The following GLI3 variants were observed in gnomAD, a reference collection of about 807,000 sequenced individuals.
The protein encoded by GLI3 is transcription activator GLI3.
In GLI3, 20 loss-of-function variants were observed where a neutral mutation model predicts 100.8. The observed-to-expected ratio is 0.20, with a 90% confidence interval of 0.14 to 0.29. The LOEUF is 0.29. GLI3 is among the 10% of genes least tolerant of loss of function. GLI3 has a pLI of 1.00. For missense variants in GLI3, 2,040 were observed against 2,128.5 expected (o/e 0.96, Z 0.82); for synonymous variants, 938 against 860.5 (o/e 1.09, Z -1.58).
chr7:42,023,231 CAG>C (rs1788994083), intron 10 of GLI3, among the ~76,000 whole-genome samples: 2 of 152,208 alleles, frequency 1.3e-5, no homozygotes, highest in African/African-American at 2.4e-5. Context: ...CTTACAGGAT[CAG>C]AGTCATTACA....
At chr7:42,103,820 G>A (rs1785518076) in intron 3 of GLI3, among the ~76,000 whole-genome samples, 1 of 152,162 alleles carries the variant, frequency 6.6e-6, no homozygotes, top group South Asian at 2.1e-4. Context: ...ATGTAGATTG[G>A]CATGTGAAGA....
intron 2 of GLI3, among the ~76,000 whole-genome samples, chr7:42,220,987 C>T (rs779751353): frequency 6.6e-6 from 1 of 152,186 alleles, no homozygotes; most frequent in Non-Finnish European, 1.5e-5. Context: ...AGGATTCATA[C>T]ACATTTAGGA....
At chr7:42,207,674 G>A (rs112996577) in intron 2 of GLI3, among the ~76,000 whole-genome samples, 2,169 of 152,320 alleles carry the variant, frequency 0.014, 26 homozygotes, top group Middle Eastern at 0.031. Flanking sequence ...AGCTATTAAA[G>A]CCAAGTTGGA....
intron 2 of GLI3, among the ~76,000 whole-genome samples, chr7:42,190,011 C>G (rs977632013): frequency 8.1e-6 from 1 of 123,048 alleles, no homozygotes; most frequent in African/African-American, 3.0e-5. Context: ...CACACACACA[C>G]ACACACAGAG....
At chr7:42,072,409 G>C (rs577485697) in intron 4 of GLI3, among the ~76,000 whole-genome samples, 1 of 152,122 alleles carries the variant, frequency 6.6e-6, no homozygotes, top group East Asian at 1.9e-4. Context: ...TTTATAATTT[G>C]GGTTTCTACA....
chr7:42,113,106 G>A (rs1312217606), intron 3 of GLI3, among the ~76,000 whole-genome samples: 1 of 151,380 alleles, frequency 6.6e-6, no homozygotes, highest in Non-Finnish European at 1.5e-5. Context: ...GAACCTGAAA[G>A]GTGGAGGCTG....
intron 2 of GLI3, among the ~76,000 whole-genome samples, chr7:42,154,468 T>G (rs2128790317): frequency 6.6e-6 from 1 of 152,372 alleles, no homozygotes; most frequent in South Asian, 2.1e-4. Flanking sequence ...AGGAAATTGC[T>G]TCGCTGTGTT....
chr7:42,221,501 C>T (rs1788486398), intron 2 of GLI3, among the ~76,000 whole-genome samples: 1 of 152,174 alleles, frequency 6.6e-6, no homozygotes, highest in Non-Finnish European at 1.5e-5. Flanking sequence ...CACCTACACA[C>T]TCACGCATAC....
chr7:42,199,028 A>G (rs996165837), intron 2 of GLI3, among the ~76,000 whole-genome samples: 16 of 152,110 alleles, frequency 1.1e-4, no homozygotes, highest in African/African-American at 3.1e-4. Flanking sequence ...ATGATGATAG[A>G]TAACAAATGG....
chr7:42,038,045 A>G (rs1402218850), intron 7 of GLI3, among the ~76,000 whole-genome samples: 5 of 152,374 alleles, frequency 3.3e-5, no homozygotes, highest in African/African-American at 1.2e-4. Flanking sequence ...ATGTTCATGA[A>G]GTGATTTTGT....
intron 10 of GLI3, among the ~76,000 whole-genome samples, chr7:42,007,677 T>C (rs752922158): frequency 1.3e-5 from 2 of 152,208 alleles, no homozygotes; most frequent in Non-Finnish European, 2.9e-5. Context: ...AATTTTCATA[T>C]GTAATACCCA....
At chr7:42,066,816 C>T (rs1244457712) in intron 4 of GLI3, among the ~76,000 whole-genome samples, 1 of 152,136 alleles carries the variant, frequency 6.6e-6, no homozygotes, top group Non-Finnish European at 1.5e-5. Flanking sequence ...CCAATGACTA[C>T]GTGTATCACT....
chr7:42,243,270 A>G (rs1788942780), intron 1 of GLI3, among the ~76,000 whole-genome samples: 1 of 152,180 alleles, frequency 6.6e-6, no homozygotes, highest in Non-Finnish European at 1.5e-5. Flanking sequence ...TACCTTTGTT[A>G]CTCTAGCATC....
intron 5 of GLI3, among the ~76,000 whole-genome samples, chr7:42,047,154 T>C (rs1784261984): frequency 6.6e-6 from 1 of 152,210 alleles, no homozygotes; most frequent in Non-Finnish European, 1.5e-5. Context: ...AGACCCTTTC[T>C]CAAAATAAAA....
At chr7:41,981,150 A>C (rs1359404322) in intron 10 of GLI3, among the ~76,000 whole-genome samples, 1 of 152,186 alleles carries the variant, frequency 6.6e-6, no homozygotes, top group Admixed American at 6.5e-5. Context: ...AGAAGAACAG[A>C]GCCTGGTGCC....
chr7:42,061,026 G>A (rs993738430), intron 4 of GLI3, among the ~76,000 whole-genome samples: 6 of 152,110 alleles, frequency 3.9e-5, no homozygotes, highest in African/African-American at 1.4e-4. Context: ...AACAATTCAA[G>A]GTAAACAGCT....
At chr7:42,013,098 C>CTGG (rs1788665499) in intron 10 of GLI3, among the ~76,000 whole-genome samples, 1 of 152,224 alleles carries the variant, frequency 6.6e-6, no homozygotes, top group South Asian at 2.1e-4. Flanking sequence ...CAGAAGACAG[C>CTGG]TGGTGCAGTT....
At chr7:42,000,170 T>C (rs1277130681) in intron 10 of GLI3, among the ~76,000 whole-genome samples, 2 of 152,206 alleles carry the variant, frequency 1.3e-5, no homozygotes, top group Non-Finnish European at 2.9e-5. Flanking sequence ...TATACTGTGT[T>C]TGCTTATGTA....
intron 2 of GLI3, 131 bp from the exon 3 acceptor site, chr7:42,148,599 T>C: frequency 1.1e-6 from 1 of 884,022 alleles, no homozygotes; most frequent in Non-Finnish European, 1.8e-6. Context: ...CACAGCAACT[T>C]TGAGAGCTAC....
Sources: gnomAD v4.1 joint callset for allele counts (sites outside exome capture counted in the v4.1 genomes callset) on GRCh38, gnomAD v4.1.1 for gene constraint, MANE v1.5 for transcripts, NCBI Gene and HGNC (gene_info 2026-07-23, HGNC 2026-07-21) for gene names.